The following CHRM2 variants were observed in gnomAD, a reference collection of about 807,000 sequenced individuals.
CHRM2 encodes the protein cholinergic receptor muscarinic 2, also known as muscarinic acetylcholine receptor M2.
In CHRM2, 8 loss-of-function variants were observed where a neutral mutation model predicts 25.0. The observed-to-expected ratio is 0.32, with a 90% confidence interval of 0.19 to 0.58. CHRM2 has a LOEUF of 0.58. Ranked by LOEUF, CHRM2 falls within the 20% of genes least tolerant of loss-of-function variation. CHRM2 has a pLI of 0.88. For synonymous variants in CHRM2, 202 were observed against 205.7 expected, an observed-to-expected ratio of 0.98 and a Z score of 0.15; for missense variants, 440 against 567.1, an observed-to-expected ratio of 0.78 and a Z score of 2.28.
At chr7:136,962,740 C>T (rs1358724287) in intron 2 of CHRM2, among the ~76,000 whole-genome samples, 1 of 152,128 alleles carries the variant, frequency 6.6e-6, no homozygotes, top group Admixed American at 6.6e-5. Context: ...TAAGCAACAG[C>T]GTCCTTGTTA....
intron 2 of CHRM2, among the ~76,000 whole-genome samples, chr7:136,970,978 C>T (rs887334359): frequency 3.3e-5 from 5 of 152,162 alleles, no homozygotes; most frequent in African/African-American, 7.2e-5. Context: ...ATACTTGACA[C>T]AATTGAACAA....
At chr7:136,910,355 T>C (rs1276855193) in intron 2 of CHRM2, among the ~76,000 whole-genome samples, 3 of 151,894 alleles carry the variant, frequency 2.0e-5, no homozygotes, top group Admixed American at 2.0e-4. Flanking sequence ...TGTTTCCTTA[T>C]TTTCAGGGAG....
intron 2 of CHRM2, among the ~76,000 whole-genome samples, chr7:136,983,965 C>T: frequency 6.6e-6 from 1 of 152,188 alleles, no homozygotes; most frequent in East Asian, 1.9e-4. Context: ...AGCTTGGGCA[C>T]TGTGCAGGGA....
At chr7:136,938,430 CTTG>C (rs1584788773) in intron 2 of CHRM2, 4 of 1,371,446 alleles carry the variant, frequency 2.9e-6, no homozygotes, top group Non-Finnish European at 4.2e-6. Context: ...AGGCAAACTT[CTTG>C]TTGAGGGTCT....
In CHRM2 at chr7:137,018,447, A is replaced by G. The variant is rs1443249548; in HGVS notation, c.*2181A>G. The G allele has an allele frequency of 1.3e-5, 2 of 151,934 alleles. No homozygotes were observed. Among genetic ancestry groups the G allele is most frequent in the Non-Finnish European group, 2.9e-5 (2 of 67,906 alleles). The allele number at this position is 151,934 out of a possible 1,614,324, so 9.4% of individuals were successfully genotyped here. A position where few individuals can be genotyped will look rare whatever the true frequency, so the allele number is the denominator to read the frequency against. On this transcript the variant is annotated 3_prime_UTR_variant, in exon 4 of 4. Transcript: ENST00000680005. ...TATTGTTTCTTCAAATGAAGGAATC[A>G]GTTGAACGGAAATAACGTCAAGCCA...
chr7:137,016,816 G>C lies in CHRM2; in HGVS notation c.*550G>C, dbSNP rs8191993. On this transcript the variant is annotated 3_prime_UTR_variant, in exon 4 of 4. Transcript: ENST00000680005. Reference sequence around the variant, plus strand: ...TGTTACGGTCCTATTTAGAGGATTGGAATGTAATAAATGCTTATTTTTTGC... The same window carrying C: ...TGTTACGGTCCTATTTAGAGGATTGCAATGTAATAAATGCTTATTTTTTGC... 118,312 of 167,350 alleles carry C rather than the reference G, an allele frequency of 0.71. 42,470 individuals carry two copies. Among genetic ancestry groups the C allele is most frequent in the African/African-American group, 0.8 (33,360 of 41,456 alleles). 10.4% of individuals were successfully genotyped at this position (167,350 alleles called of 1,614,324 possible).
intron 2 of CHRM2, among the ~76,000 whole-genome samples, chr7:136,906,197 A>G (rs1797535846): frequency 6.6e-6 from 1 of 150,528 alleles, no homozygotes; most frequent in African/African-American, 2.4e-5. Flanking sequence ...GTATATACGT[A>G]TATATATATA....
chr7:136,928,723 A>G (rs760343494), intron 2 of CHRM2, among the ~76,000 whole-genome samples: 51 of 152,188 alleles, frequency 3.4e-4, no homozygotes, highest in Non-Finnish European at 6.6e-4. Flanking sequence ...TGCATACTGG[A>G]AAGAGCCCAT....
At chr7:136,916,202 A>G (rs1798100197) in intron 2 of CHRM2, among the ~76,000 whole-genome samples, 4 of 151,854 alleles carry the variant, frequency 2.6e-5, no homozygotes, top group South Asian at 2.1e-4. Flanking sequence ...AAGTGTATCA[A>G]TTAAACGCAG....
At chr7:136,900,051 T>C (rs1797111621) in intron 2 of CHRM2, among the ~76,000 whole-genome samples, 1 of 152,136 alleles carries the variant, frequency 6.6e-6, no homozygotes, top group African/African-American at 2.4e-5. Context: ...CATTGAAGAC[T>C]GTATAAATAA....
chr7:136,973,366 G>A (rs1171277316), intron 2 of CHRM2, among the ~76,000 whole-genome samples: 3 of 95,812 alleles, frequency 3.1e-5, no homozygotes, highest in African/African-American at 1.4e-4. Flanking sequence ...TGATGACGGT[G>A]ACGGTGTTAG....
chr7:137,004,835 C>A (rs1371651571), intron 3 of CHRM2, among the ~76,000 whole-genome samples: 1 of 152,058 alleles, frequency 6.6e-6, no homozygotes, highest in African/African-American at 2.4e-5. Context: ...CTTCTCCCTG[C>A]TCTCATTTTT....
intron 2 of CHRM2, among the ~76,000 whole-genome samples, chr7:136,948,609 C>A (rs1297527608): frequency 3.3e-5 from 5 of 152,018 alleles, no homozygotes; most frequent in Non-Finnish European, 7.4e-5. Context: ...TGGGTGACCA[C>A]GGATTTGGCT....
At chr7:136,886,731 G>C (rs1310761072) in intron 2 of CHRM2, among the ~76,000 whole-genome samples, 3 of 152,052 alleles carry the variant, frequency 2.0e-5, no homozygotes, top group Non-Finnish European at 4.4e-5. Flanking sequence ...ATCTAGCCAG[G>C]TGTGGTGGTG....
intron 2 of CHRM2, among the ~76,000 whole-genome samples, chr7:136,959,598 A>C (rs536478064): frequency 6.6e-6 from 1 of 152,284 alleles, no homozygotes; most frequent in South Asian, 2.1e-4. Flanking sequence ...GGGTGACAGA[A>C]GACCAAAGCA....
At chr7:136,920,387 G>A (rs908590547) in intron 2 of CHRM2, among the ~76,000 whole-genome samples, 42 of 152,076 alleles carry the variant, frequency 2.8e-4, no homozygotes, top group Non-Finnish European at 5.7e-4. Flanking sequence ...ACTCAAATGA[G>A]GTCTCACATT....
intron 2 of CHRM2, among the ~76,000 whole-genome samples, chr7:136,991,166 G>A (rs1443497481): frequency 5.3e-5 from 8 of 152,024 alleles, no homozygotes; most frequent in Non-Finnish European, 1.0e-4. Context: ...TTTATTTCAT[G>A]GATTGCCTTT....
rs144779653 is a variant in CHRM2 at position 136,921,261 on chromosome 7, C to T, written c.-125+51843C>T. Among the ~76,000 whole-genome samples the T allele has an allele frequency of 4.7e-3, 713 of 152,162 alleles. 3 individuals carry two copies. The highest frequency in any genetic ancestry group is 7.5e-3 in the Non-Finnish European group (509 of 67,988). On this transcript the variant is annotated intron_variant, in intron 2 of 3. Coordinates refer to ENST00000680005, the MANE Select transcript of CHRM2 (RefSeq NM_001006630.2). ...CTCCTTAACTCTGCTTTGAGTCTTC[C>T]CATCATCCTGGGTGCCTGAAGTGTC...
At chr7:136,960,861 C>A (rs1012056258) in intron 2 of CHRM2, among the ~76,000 whole-genome samples, 4 of 152,178 alleles carry the variant, frequency 2.6e-5, no homozygotes, top group African/African-American at 9.7e-5. Flanking sequence ...CACAGTAGCT[C>A]ACACCTGTAA....
Sources: gnomAD v4.1 joint callset for allele counts (sites outside exome capture counted in the v4.1 genomes callset) on GRCh38, gnomAD v4.1.1 for gene constraint, MANE v1.5 for transcripts, NCBI Gene and HGNC (gene_info 2026-07-23, HGNC 2026-07-21) for gene names.